Variants in AKAP6 observed in about 807,000 individuals in gnomAD.
The protein encoded by AKAP6 is A-kinase anchor protein 6.
A neutral mutation model predicts 188.5 loss-of-function variants in AKAP6; 58 were observed. The ratio of observed to expected loss-of-function variants is 0.31; its 90% CI spans 0.25 to 0.38. The LOEUF (loss-of-function observed/expected upper bound fraction) is 0.38, where lower values mean the gene tolerates loss of function less well. Among genes scored for constraint, AKAP6 ranks in the 10% least tolerant of loss-of-function variants. AKAP6 has a pLI of 1.00. For missense variants in AKAP6, 2,710 were observed against 2,740.0 expected, an observed-to-expected ratio of 0.99 and a Z score of 0.24; for synonymous variants, 989 against 998.6, an observed-to-expected ratio of 0.99 and a Z score of 0.18.
rs530168622 is a variant in AKAP6 at position 32,426,934 on chromosome 14, G to A, written c.-34-6526G>A. Among the ~76,000 whole-genome samples the A allele has an allele frequency of 1.8e-3, 271 of 152,242 alleles. 3 individuals are homozygous for A. The highest frequency in any genetic ancestry group is 4.9e-3 in the Admixed American group (75 of 15,288). The stretch of plus-strand genomic sequence containing the variant: ...ACAGCAGACTGTGTTCTGGGCAAGG[G>A]AGTTAGCGGGTATTTGAGGAAAGAC... On this transcript the variant is annotated intron_variant, in intron 1 of 13. Coordinates refer to ENST00000280979, the MANE Select transcript of AKAP6 (RefSeq NM_004274.5).
At chr14:32,348,788 T>C (rs1262567112) in intron 1 of AKAP6, among the ~76,000 whole-genome samples, 1 of 152,148 alleles carries the variant, frequency 6.6e-6, no homozygotes, top group Non-Finnish European at 1.5e-5. Context: ...GGGTGCTTTT[T>C]CCACATTGCT....
intron 2 of AKAP6, among the ~76,000 whole-genome samples, chr14:32,523,128 G>C (rs4587869): frequency 0.28 from 41,380 of 147,984 alleles, 5,999 homozygotes; most frequent in East Asian, 0.37. Context: ...ATTGAACAAT[G>C]AGAACACTTG....
At chr14:32,780,155 A>AAAAATATATATATATATATATATATAT (rs1555361856) in intron 12 of AKAP6, among the ~76,000 whole-genome samples, 1 of 91,440 alleles carries the variant, frequency 1.1e-5, no homozygotes, top group Non-Finnish European at 2.5e-5. Flanking sequence ...TGAAAAAAAA[A>AAAAATATATATATATATATATATATAT]ACATATATAT....
At chr14:32,595,945 A>C (rs1246705213) in intron 5 of AKAP6, among the ~76,000 whole-genome samples, 4 of 152,156 alleles carry the variant, frequency 2.6e-5, no homozygotes, top group Admixed American at 6.5e-5. Context: ...GACAAAGACT[A>C]CTCAATAAAT....
intron 7 of AKAP6, among the ~76,000 whole-genome samples, chr14:32,631,917 T>C (rs140871441): frequency 7.5e-4 from 114 of 152,160 alleles, no homozygotes; most frequent in African/African-American, 2.5e-3. Context: ...TTTTTGGACC[T>C]TGATGACATT....
intron 5 of AKAP6, among the ~76,000 whole-genome samples, chr14:32,583,569 C>T (rs564701195): frequency 1.4e-3 from 209 of 152,328 alleles, no homozygotes; most frequent in African/African-American, 4.9e-3. Context: ...CTGTGCCCTG[C>T]CCCCAGAGGT....
intron 1 of AKAP6, among the ~76,000 whole-genome samples, chr14:32,405,697 G>A (rs965123155): frequency 1.1e-4 from 2 of 18,022 alleles, no homozygotes; most frequent in Non-Finnish European, 1.5e-3. Context: ...CTGTTCTTGT[G>A]ATAGTGAGTT....
intron 2 of AKAP6, among the ~76,000 whole-genome samples, chr14:32,521,199 A>G (rs999206357): frequency 3.3e-5 from 5 of 152,174 alleles, no homozygotes; most frequent in Admixed American, 2.6e-4. Context: ...AAATAATAAG[A>G]GCTATTTATG....
chr14:32,477,964 A>C (rs1879156370), intron 2 of AKAP6, among the ~76,000 whole-genome samples: 1 of 152,210 alleles, frequency 6.6e-6, no homozygotes, highest in African/African-American at 2.4e-5. Context: ...ATGCCTGGCC[A>C]TAGTGAGCAC....
chr14:32,746,949 A>T (rs2031936811), intron 11 of AKAP6, among the ~76,000 whole-genome samples: 1 of 152,216 alleles, frequency 6.6e-6, no homozygotes, highest in Non-Finnish European at 1.5e-5. Context: ...AAAGGATTTC[A>T]AATTAACAAT....
chr14:32,439,665 C>T (rs919359354), intron 2 of AKAP6, among the ~76,000 whole-genome samples: 7 of 152,146 alleles, frequency 4.6e-5, no homozygotes, highest in South Asian at 4.2e-4. Flanking sequence ...GGTCCATAGT[C>T]GTGACAGTGA....
intron 2 of AKAP6, among the ~76,000 whole-genome samples, chr14:32,486,547 T>C (rs1004392756): frequency 6.6e-6 from 1 of 152,178 alleles, no homozygotes; most frequent in African/African-American, 2.4e-5. Context: ...TTGTAAGTTT[T>C]ATTTCTAGGT....
rs191296456 is a variant in AKAP6 at position 32,745,382 on chromosome 14, C to T, written c.3372+9500C>T. ...GTACTGGCTTGATGGTCTTGGACAA[C>T]GTCTAGGATAATTTCTGGATTGCCA... On this transcript the variant is annotated intron_variant, in intron 11 of 13. Transcript: ENST00000280979. Among the ~76,000 whole-genome samples, 22 of 133,156 alleles carry T rather than the reference C, an allele frequency of 1.7e-4. No individual in the cohort carries two copies. In the East Asian group the frequency reaches 2.7e-3, roughly 16 times the overall value. 87.4% of individuals were successfully genotyped at this position (133,156 alleles called of 152,430 possible). A position where few individuals can be genotyped will look rare whatever the true frequency, so the allele number is the denominator to read the frequency against.
intron 2 of AKAP6, among the ~76,000 whole-genome samples, chr14:32,435,467 G>A (rs1890349120): frequency 6.6e-6 from 1 of 152,018 alleles, no homozygotes; most frequent in Non-Finnish European, 1.5e-5. Flanking sequence ...ATTAACATAG[G>A]GTTATATTTA....
intron 1 of AKAP6, among the ~76,000 whole-genome samples, chr14:32,362,585 T>G (rs982176596): frequency 3.9e-5 from 6 of 152,002 alleles, no homozygotes; most frequent in Non-Finnish European, 5.9e-5. Flanking sequence ...TCAGGTAGGA[T>G]GAAGAGCACA....
chr14:32,495,289 CT>C (rs1030907049), intron 2 of AKAP6: 4 of 152,294 alleles, frequency 2.6e-5, no homozygotes, highest in African/African-American at 7.2e-5. Flanking sequence ...TGCTTTCAAC[CT>C]GTTGGTTGGT....
At chr14:32,813,340 C>T (rs965573081) in intron 12 of AKAP6, among the ~76,000 whole-genome samples, 1 of 150,868 alleles carries the variant, frequency 6.6e-6, no homozygotes, top group Admixed American at 6.6e-5. Context: ...AGAAGTTCAT[C>T]AAATCTCTTT....
At chr14:32,658,826 C>T (rs1222113159) in intron 7 of AKAP6, among the ~76,000 whole-genome samples, 1 of 150,320 alleles carries the variant, frequency 6.7e-6, no homozygotes, top group African/African-American at 2.4e-5. Context: ...TGTTTACTGG[C>T]CAAAATTCTG....
intron 12 of AKAP6, among the ~76,000 whole-genome samples, chr14:32,783,012 A>G (rs1377751306): frequency 6.6e-6 from 1 of 152,170 alleles, no homozygotes; most frequent in Non-Finnish European, 1.5e-5. Context: ...AAGAGTTATA[A>G]TAAAGCTACA....
Sources: allele counts gnomAD v4.1 joint callset (sites outside exome capture counted in the v4.1 genomes callset), GRCh38; gene constraint gnomAD v4.1.1; transcripts MANE v1.5; gene names NCBI Gene and HGNC (gene_info 2026-07-23, HGNC 2026-07-21).